The following RIF1 variants were observed in gnomAD, a reference collection of about 807,000 sequenced individuals.
The protein encoded by RIF1 is replication timing regulatory factor 1.
Under a neutral mutation model 247.1 loss-of-function variants are expected in RIF1, and 45 were observed. The ratio of observed to expected loss-of-function variants is 0.18; its 90% CI spans 0.14 to 0.23. RIF1 has a LOEUF of 0.23. Among genes scored for constraint, RIF1 ranks in the 10% least tolerant of loss-of-function variants. RIF1 has a pLI of 1.00. For missense variants in RIF1, 2,967 were observed against 2,862.5 expected, an observed-to-expected ratio of 1.04 and a Z score of -0.83; for synonymous variants, 1,087 against 978.8, an observed-to-expected ratio of 1.11 and a Z score of -2.06.
chr2:151,509,623 T>G (rs1234076010), downstream of RIF1, among the ~76,000 whole-genome samples: 1 of 152,080 alleles, frequency 6.6e-6, no homozygotes, highest in African/African-American at 2.4e-5. Flanking sequence ...GTTTTTTTTT[T>G]GTTTGTTTGG....
In RIF1 at chr2:151,477,360, T is replaced by C. The variant is rs749727699; in HGVS notation, c.*2289T>C. 6 of 152,130 alleles carry C rather than the reference T, an allele frequency of 3.9e-5. No homozygotes were observed. The highest frequency in any genetic ancestry group is 6.5e-5 in the Admixed American group (1 of 15,276). 9.4% of individuals were successfully genotyped at this position (152,130 alleles called of 1,614,324 possible). A position where few individuals can be genotyped will look rare whatever the true frequency, so the allele number is the denominator to read the frequency against. On this transcript the variant is annotated 3_prime_UTR_variant, in exon 36 of 36. Transcript: ENST00000444746. ...ATAATAACACTCAAATGTGTCTTAA[T>C]TGTCTTATGCATATTTAAGAAGAAA...
At chr2:151,410,603 C>T (rs1302499755) in intron 2 of RIF1, 76 bp downstream of exon 2, 3 of 1,181,680 alleles carry the variant, frequency 2.5e-6, no homozygotes, top group Admixed American at 4.0e-5. Context: ...GGGAGGGGCG[C>T]GTAGAATGAA....
chr2:151,513,711 G>GAA, the RIF1 span: 12 of 1,363,272 alleles, frequency 8.8e-6, no homozygotes, highest in Admixed American at 4.7e-5. Context: ...AGCATTAAAA[G>GAA]AAAAAAAAAA....
chr2:151,453,602 A>G (rs1364310119), intron 21 of RIF1, among the ~76,000 whole-genome samples: 5 of 145,024 alleles, frequency 3.4e-5, no homozygotes, highest in African/African-American at 1.0e-4. Flanking sequence ...AAAAAAAAAA[A>G]GGCAATTTTA....
chr2:151,490,493 C>T lies in RIF1; in HGVS notation c.*416-4736C>T, dbSNP rs1252479632. The T allele has an allele frequency of 1.2e-6, 2 of 1,609,224 alleles. No individual in the cohort carries two copies. Among genetic ancestry groups the T allele is most frequent in the Admixed American group, 1.7e-5 (1 of 59,554 alleles). The stretch of plus-strand genomic sequence containing the variant: ...TTAGTGCACTGGCAGATCGTGACTG[C>T]TCCCGGCTCCGGCGCTGAGCTTGGA... On this transcript the variant is annotated intron_variant and NMD_transcript_variant, in intron 9 of 13. Coordinates refer to the RIF1 transcript ENST00000454583.
chr2:151,490,835 T>C (rs1036578228), intron 9 of RIF1, among the ~76,000 whole-genome samples: 4 of 152,196 alleles, frequency 2.6e-5, no homozygotes, highest in Admixed American at 2.6e-4. Context: ...AATAGTAATA[T>C]TCACATTCAG....
At chr2:151,450,044 T>G (rs1197089893) in intron 20 of RIF1, among the ~76,000 whole-genome samples, 1 of 152,140 alleles carries the variant, frequency 6.6e-6, no homozygotes, top group Non-Finnish European at 1.5e-5. Context: ...TTTCTCCATG[T>G]TGGCCAGGCT....
At chr2:151,434,362 G>A (rs1690746006) in intron 10 of RIF1, among the ~76,000 whole-genome samples, 2 of 151,354 alleles carry the variant, frequency 1.3e-5, no homozygotes, top group African/African-American at 4.9e-5. Context: ...ATCCTTACTG[G>A]CATTTAGATA....
At chr2:151,509,363 C>A (rs1292207517), downstream of RIF1, among the ~76,000 whole-genome samples, 2 of 152,148 alleles carry the variant, frequency 1.3e-5, no homozygotes, top group Non-Finnish European at 2.9e-5. Flanking sequence ...AGAATAGAAA[C>A]AATCGTCCTT....
At chr2:151,443,765 G>A (rs1334588154) in intron 18 of RIF1, 56 bp downstream of exon 18, 14 of 1,071,208 alleles carry the variant, frequency 1.3e-5, no homozygotes, top group Non-Finnish European at 1.8e-5. Flanking sequence ...TTTTGTTAGT[G>A]CAGTTGGGGA....
At chr2:151,518,650 A>G in the RIF1 span, among the ~76,000 whole-genome samples, 5 of 152,246 alleles carry the variant, frequency 3.3e-5, no homozygotes, top group Admixed American at 1.3e-4. Context: ...AGTAGGTGTT[A>G]TAAGTAAAAA....
chr2:151,483,751 A>C (rs951705127), downstream of RIF1, among the ~76,000 whole-genome samples: 11 of 152,162 alleles, frequency 7.2e-5, no homozygotes, highest in Non-Finnish European at 1.5e-4. Context: ...GTACAGCAGG[A>C]GGTCGAGTGG....
At chr2:151,511,446 T>G (rs1038246999), downstream of RIF1, among the ~76,000 whole-genome samples, 10 of 152,178 alleles carry the variant, frequency 6.6e-5, no homozygotes, top group Non-Finnish European at 1.2e-4. Flanking sequence ...TGATTGGTCA[T>G]TAAGAGATCA....
chr2:151,438,121 A>G (rs1240653860), intron 13 of RIF1, among the ~76,000 whole-genome samples: 2 of 152,244 alleles, frequency 1.3e-5, no homozygotes, highest in Non-Finnish European at 2.9e-5. Context: ...ATAATTTAAA[A>G]AAAGATAAAA....
At chr2:151,469,468 A>G (rs1697460210) in intron 33 of RIF1, among the ~76,000 whole-genome samples, 1 of 152,164 alleles carries the variant, frequency 6.6e-6, no homozygotes, top group Admixed American at 6.6e-5. Flanking sequence ...TCTATTAATG[A>G]GATGTATGTA....
At chr2:151,510,803 C>T (rs1373793271), downstream of RIF1, among the ~76,000 whole-genome samples, 1 of 152,154 alleles carries the variant, frequency 6.6e-6, no homozygotes, top group Admixed American at 6.5e-5. Context: ...AACATATCCC[C>T]CTCGGATAAG....
intron 21 of RIF1, among the ~76,000 whole-genome samples, chr2:151,453,016 A>G (rs1191858061): frequency 2.0e-5 from 3 of 152,208 alleles, no homozygotes; most frequent in African/African-American, 4.8e-5. Flanking sequence ...GGAAATTGTT[A>G]TTATCAGGAT....
rs1174720246 is a variant in RIF1 at position 151,464,573 on chromosome 2, A to G, written c.5053A>G (p.Lys1685Glu). Residue 1685 changes from lysine to glutamate, a missense_variant, in exon 30 of 36, where the codon AAG becomes GAG. This residue lies in a region of RIF1 where 2,028 missense variants were observed against 1,825.6 expected (regional missense o/e 1.11). Transcript: ENST00000444746. ...TAGAAATGCCATTAAGAGATTACAT[A>G]AGCGAGACTCTTTTGATAATTGTAG... is the stretch of plus-strand genomic sequence containing the variant. ...RTRNAIKRLH[K>E]RDSFDNCSLG... 6.2e-7 allele frequency: 1 copy of G among 1,613,402 alleles called. No homozygotes were observed. Among genetic ancestry groups the G allele is most frequent in the Non-Finnish European group, 8.5e-7 (1 of 1,179,542 alleles).
At chr2:151,411,061 T>TA (rs1436511447) in intron 2 of RIF1, among the ~76,000 whole-genome samples, 199 bp from the exon 3 acceptor site, 7 of 152,204 alleles carry the variant, frequency 4.6e-5, no homozygotes, top group Admixed American at 4.6e-4. Context: ...TGTAAAAACT[T>TA]ATTCTGAGGG....
Sources: gnomAD v4.1 joint callset for allele counts (sites outside exome capture counted in the v4.1 genomes callset) on GRCh38, gnomAD v4.1.1 for gene constraint, gnomAD v4.1.1 regional missense constraint, MANE v1.5 for transcripts, NCBI Gene and HGNC (gene_info 2026-07-23, HGNC 2026-07-21) for gene names.